The following ENG variants were observed in gnomAD, a reference collection of about 807,000 sequenced individuals.
ENG encodes endoglin.
A neutral mutation model predicts 71.0 loss-of-function variants in ENG; 17 were observed. That is an observed-to-expected ratio of 0.24 (90% CI 0.16 to 0.36). The LOEUF is 0.36. ENG is among the 10% of genes least tolerant of loss of function. The probability of loss-of-function intolerance (pLI) is 1.00; values close to 1 mark genes in which losing one functional copy is unlikely to be tolerated. For missense variants in ENG, 749 were observed against 868.3 expected (o/e 0.86, Z 1.73); for synonymous variants, 360 against 366.9 (o/e 0.98, Z 0.21).
intron 1 of ENG, among the ~76,000 whole-genome samples, chr9:127,845,247 C>T (rs550116904): frequency 2.4e-4 from 37 of 152,318 alleles, no homozygotes; most frequent in Non-Finnish European, 4.4e-4. Flanking sequence ...CTTCTGAACC[C>T]TGGGCTGTCT....
intron 2 of ENG, among the ~76,000 whole-genome samples, chr9:127,830,857 T>C (rs978178587): frequency 6.6e-6 from 1 of 151,990 alleles, no homozygotes; most frequent in Non-Finnish European, 1.5e-5. Flanking sequence ...ACAATTGCTC[T>C]CCCAGTTTGC....
chr9:127,839,996 CAAT>C (rs1830991040), intron 2 of ENG, among the ~76,000 whole-genome samples: 2 of 152,206 alleles, frequency 1.3e-5, no homozygotes, highest in Non-Finnish European at 2.9e-5. Context: ...ATAATAATAA[CAAT>C]AACCGTAGCC....
chr9:127,816,163 C>T, intron 13 of ENG, 110 bp from the exon 14 acceptor site: 1 of 1,340,944 alleles, frequency 7.5e-7, no homozygotes. Flanking sequence ...GCCATGGACC[C>T]TCGACTTCTC....
intron 2 of ENG, among the ~76,000 whole-genome samples, chr9:127,831,482 G>C (rs1830764167): frequency 6.6e-6 from 1 of 151,506 alleles, no homozygotes; most frequent in Non-Finnish European, 1.5e-5. Flanking sequence ...TCGCGTACCA[G>C]GTTCAATTCA....
At chr9:127,817,874 A>G in intron 12 of ENG, 1 of 601,110 alleles carries the variant, frequency 1.7e-6, no homozygotes, top group Non-Finnish European at 2.9e-6. Context: ...GAAAGGATGG[A>G]TGGATGGATA....
intron 1 of ENG, chr9:127,847,026 C>G: frequency 1.1e-6 from 1 of 882,732 alleles, no homozygotes; most frequent in Non-Finnish European, 1.4e-6. Context: ...TGCTGGTCAC[C>G]TTGAGCAGAA....
At position 127,818,930 on chromosome 9, in the gene ENG, G is replaced by A. The variant is rs1588575880; in HGVS notation, c.1312-98C>T. ...ACAGGCATCATGGCCCTGTGGAGTTGCCTGACTCTCTTTTTTTTTTTTTTT... is the reference window on the plus strand; with the variant it reads ...ACAGGCATCATGGCCCTGTGGAGTTACCTGACTCTCTTTTTTTTTTTTTTT... On this transcript the variant is annotated intron_variant, in intron 10 of 14. Coordinates refer to ENST00000373203, the MANE Select transcript of ENG (RefSeq NM_001114753.3). The A allele has an allele frequency of 5.0e-6, 5 of 1,000,046 alleles. No individual in the cohort carries two copies. In the South Asian group the frequency reaches 5.4e-5, roughly 11 times the overall value. 61.9% of individuals were successfully genotyped at this position (1,000,046 alleles called of 1,614,324 possible).
At chr9:127,827,043 A>G in intron 3 of ENG, 2 of 298,696 alleles carry the variant, frequency 6.7e-6, no homozygotes, top group South Asian at 7.0e-5. Flanking sequence ...GGCAACGTCT[A>G]CCTTGCCCAT....
chr9:127,839,951 G>A (rs41432051), intron 2 of ENG, among the ~76,000 whole-genome samples: 23,945 of 152,164 alleles, frequency 0.16, 2,569 homozygotes, highest in African/African-American at 0.3. Context: ...GCAAAATGGG[G>A]ATGTTCACAG....
In ENG at chr9:127,823,514, G is replaced by A. The variant is rs190496868; in HGVS notation, c.1134+790C>T. Among the ~76,000 whole-genome samples, 284 of 148,470 alleles carry A rather than the reference G, an allele frequency of 1.9e-3. 4 individuals carry two copies. In the East Asian group the frequency reaches 0.037, roughly 19 times the overall value. ...CACCATTCTCCTGCCTCAGCCTCCC[G>A]ATTAGCTGGGACTACAGGCGCCTGC... On this transcript the variant is annotated intron_variant, in intron 8 of 14. Coordinates refer to ENST00000373203, the MANE Select transcript of ENG (RefSeq NM_001114753.3).
At chr9:127,817,880 G>T in intron 12 of ENG, 1 of 605,976 alleles carries the variant, frequency 1.7e-6, no homozygotes, top group Non-Finnish European at 2.9e-6. Context: ...ATGGATGGAT[G>T]GATAGATGGA....
chr9:127,827,489 G>C (rs1172414778), intron 3 of ENG, among the ~76,000 whole-genome samples: 2 of 152,126 alleles, frequency 1.3e-5, no homozygotes, highest in Non-Finnish European at 2.9e-5. Flanking sequence ...AGACAGGGAA[G>C]ACTTCCTGGA....
chr9:127,816,125 A>C (rs10760503), intron 13 of ENG, 72 bp from the exon 14 acceptor site: 1 of 1,549,744 alleles, frequency 6.5e-7, no homozygotes, highest in East Asian at 2.4e-5. Flanking sequence ...GTGCTGGCCC[A>C]TGTGGGCTTT....
At position 127,818,353 on chromosome 9, in the gene ENG, C is replaced by T. The variant is rs997074986; in HGVS notation, c.1453G>A (p.Glu485Lys). 11 of 1,613,734 alleles carry T rather than the reference C, an allele frequency of 6.8e-6. No individual in the cohort carries two copies. Among genetic ancestry groups the T allele is most frequent in the Admixed American group, 1.7e-5 (1 of 59,994 alleles). Residue 485 changes from glutamate (E) to lysine (K), a missense_variant, in exon 12 of 15, where the codon GAG becomes AAG. Coordinates refer to ENST00000373203, the MANE Select transcript of ENG (RefSeq NM_001114753.3). Reference protein sequence around the residue: ...VQVRVSPSVSEFLLQLDSCHL... With the variant: ...VQVRVSPSVSKFLLQLDSCHL... Reference sequence around the variant, plus strand: ...CAGCTGTCTAACTGGAGCAGGAACTCGGAGACGGATGGGGACACTCTGACC... The same window carrying T: ...CAGCTGTCTAACTGGAGCAGGAACTTGGAGACGGATGGGGACACTCTGACC...
At chr9:127,824,183 TA>T in intron 8 of ENG, 120 bp downstream of exon 8, 1 of 1,428,156 alleles carries the variant, frequency 7.0e-7, no homozygotes, top group Non-Finnish European at 9.8e-7. Context: ...GTGGGAAAAC[TA>T]AGGCTTGCAG....
At chr9:127,820,837 A>AT (rs1554809611) in intron 8 of ENG, among the ~76,000 whole-genome samples, 73 of 150,908 alleles carry the variant, frequency 4.8e-4, no homozygotes, top group African/African-American at 1.0e-3. Flanking sequence ...TCAAAAAAAA[A>AT]AAATATATAT....
intron 13 of ENG, 145 bp downstream of exon 13, chr9:127,817,004 C>A: frequency 8.8e-6 from 8 of 904,438 alleles, no homozygotes; most frequent in Non-Finnish European, 1.4e-5. Context: ...TCTGGGAAGC[C>A]CTCCTCCTGC....
At chr9:127,819,505 GAC>G in intron 10 of ENG, 115 bp downstream of exon 10, 1 of 1,408,536 alleles carries the variant, frequency 7.1e-7, no homozygotes. Flanking sequence ...AGGCATTCCA[GAC>G]ACACATGGCT....
chr9:127,824,175 G>T, intron 8 of ENG, 129 bp downstream of exon 8: 1 of 1,332,370 alleles, frequency 7.5e-7, no homozygotes. Context: ...TTATACAAGT[G>T]GGAAAACTAA....
Sources: allele counts gnomAD v4.1 joint callset (sites outside exome capture counted in the v4.1 genomes callset), GRCh38; gene constraint gnomAD v4.1.1; transcripts MANE v1.5; gene names NCBI Gene and HGNC (gene_info 2026-07-23, HGNC 2026-07-21).